SOS1: variants seen among roughly 807,000 people sequenced by gnomAD.
The protein encoded by SOS1 is SOS Ras/Rac guanine nucleotide exchange factor 1.
In SOS1, 25 loss-of-function variants were observed where a neutral mutation model predicts 157.6. That is an observed-to-expected ratio of 0.16 (90% CI 0.12 to 0.22). The LOEUF is 0.22. SOS1 is among the 10% of genes least tolerant of loss of function. The pLI is 1.00. For missense variants in SOS1, 1,237 were observed against 1,599.1 expected (o/e 0.77, Z 3.86); for synonymous variants, 528 against 534.0 (o/e 0.99, Z 0.16).
rs147322538 is a variant in SOS1 at position 39,080,080 on chromosome 2, T to C, written c.88-12327A>G. 3.4e-3 allele frequency among the ~76,000 whole-genome samples: 519 copies of C among 152,220 alleles called. 1 individual carries two copies. The highest frequency in any genetic ancestry group is 5.9e-3 in the Non-Finnish European group (401 of 68,026). On this transcript the variant is annotated intron_variant, in intron 1 of 22. Transcript: ENST00000402219. ...TTACATTTATTGTTTACTTTATTTC[T>C]ATTATTACATTGTAATATATAATAA...
intron 17 of SOS1, among the ~76,000 whole-genome samples, chr2:39,002,512 A>G (rs1329529707): frequency 1.3e-5 from 2 of 152,174 alleles, no homozygotes; most frequent in East Asian, 3.9e-4. Context: ...ACCATGGGAT[A>G]TCATGAGTAG....
intron 1 of SOS1, among the ~76,000 whole-genome samples, chr2:39,090,139 CAAA>C (rs10598316): frequency 5.4e-4 from 60 of 110,926 alleles, no homozygotes; most frequent in African/African-American, 9.1e-4. Flanking sequence ...GACCCTGTCT[CAAA>C]AAAAAAAAAA....
chr2:39,099,871 C>A (rs1476431414), intron 1 of SOS1, among the ~76,000 whole-genome samples: 2 of 151,896 alleles, frequency 1.3e-5, no homozygotes. Flanking sequence ...CTGGAGTAGC[C>A]GGGATTACGG....
chr2:39,008,728 A>G (rs1669362775), intron 15 of SOS1, among the ~76,000 whole-genome samples: 1 of 152,168 alleles, frequency 6.6e-6, no homozygotes, highest in Admixed American at 6.5e-5. Flanking sequence ...AAAACATCAG[A>G]GCAATCAGCT....
At chr2:38,994,107 G>A (rs1668817535) in intron 20 of SOS1, among the ~76,000 whole-genome samples, 2 of 152,260 alleles carry the variant, frequency 1.3e-5, no homozygotes, top group Admixed American at 6.5e-5. Context: ...TGCTGTAAGT[G>A]TAAAATGCAC....
chr2:39,113,718 G>C (rs1336886646), intron 1 of SOS1, among the ~76,000 whole-genome samples: 5 of 152,066 alleles, frequency 3.3e-5, no homozygotes, highest in African/African-American at 1.2e-4. Context: ...AACAGTTCAA[G>C]GCAAATCCCA....
intron 17 of SOS1, among the ~76,000 whole-genome samples, chr2:39,000,034 T>C (rs777572674): frequency 1.3e-5 from 2 of 152,044 alleles, no homozygotes; most frequent in Non-Finnish European, 2.9e-5. Context: ...GTGGGGATAA[T>C]GGGGAGTGGA....
intron 20 of SOS1, 133 bp from the exon 21 acceptor site, chr2:38,989,447 A>C: frequency 1.5e-6 from 1 of 654,794 alleles, no homozygotes; most frequent in South Asian, 1.8e-5. Context: ...GTTTATAGTA[A>C]AACCTCATTA....
chr2:39,111,250 A>G (rs928692781), intron 1 of SOS1, among the ~76,000 whole-genome samples: 1 of 152,168 alleles, frequency 6.6e-6, no homozygotes, highest in Admixed American at 6.5e-5. Flanking sequence ...AATAATAATA[A>G]TAAGATGGAT....
intron 1 of SOS1, among the ~76,000 whole-genome samples, chr2:39,076,837 G>C (rs1480207089): frequency 6.6e-6 from 1 of 152,088 alleles, no homozygotes; most frequent in Admixed American, 6.5e-5. Context: ...GTTATTATTT[G>C]CAGGTAATAT....
In SOS1 at chr2:38,983,298, GAGA is replaced by G. The variant is rs1333741791; in HGVS notation, c.*2523_*2525del. 14 of 152,054 alleles carry G rather than the reference GAGA, an allele frequency of 9.2e-5. No individual in the cohort carries two copies. The highest frequency in any genetic ancestry group is 1.6e-4 in the Non-Finnish European group (11 of 68,012). The allele number at this position is 152,054 out of a possible 1,614,324, so 9.4% of individuals were successfully genotyped here. A position where few individuals can be genotyped will look rare whatever the true frequency, so the allele number is the denominator to read the frequency against. On this transcript the variant is annotated 3_prime_UTR_variant, in exon 23 of 23. Transcript: ENST00000402219. Reference sequence around the variant, plus strand: ...TGTCAACTAGTTAATGTTTCATATTGAGAAGAAGGCAAGGATGCCATTTTCTCA... The same window carrying G: ...TGTCAACTAGTTAATGTTTCATATTGAGAAGGCAAGGATGCCATTTTCTCA...
At chr2:39,037,380 T>C (rs568012994) in intron 6 of SOS1, among the ~76,000 whole-genome samples, 1 of 152,330 alleles carries the variant, frequency 6.6e-6, no homozygotes, top group South Asian at 2.1e-4. Context: ...TTGCCTTTTA[T>C]ACTCAAAAAT....
chr2:39,053,836 G>A (rs966666452), intron 5 of SOS1, among the ~76,000 whole-genome samples: 1 of 151,900 alleles, frequency 6.6e-6, no homozygotes, highest in Non-Finnish European at 1.5e-5. Context: ...TACTACTGCT[G>A]TCATACTTCT....
intron 16 of SOS1, 38 bp from the exon 17 acceptor site, chr2:39,006,567 A>T: frequency 9.8e-7 from 1 of 1,018,672 alleles, no homozygotes; most frequent in East Asian, 2.4e-5. Flanking sequence ...TTACAAAAGG[A>T]ATCAAAGGTC....
At chr2:39,119,041 C>T (rs1400484374) in intron 1 of SOS1, among the ~76,000 whole-genome samples, 2 of 152,192 alleles carry the variant, frequency 1.3e-5, no homozygotes, top group Non-Finnish European at 2.9e-5. Flanking sequence ...TCTCCCCTTA[C>T]TCTATCCGGA....
At chr2:39,105,726 G>A (rs1037154990) in intron 1 of SOS1, among the ~76,000 whole-genome samples, 3 of 151,540 alleles carry the variant, frequency 2.0e-5, no homozygotes, top group African/African-American at 7.3e-5. Flanking sequence ...GCGAAACCCT[G>A]TCTCTACTAA....
upstream of SOS1, among the ~76,000 whole-genome samples, chr2:39,121,513 TAATA>T (rs1210110723): frequency 2.0e-5 from 3 of 152,236 alleles, no homozygotes; most frequent in African/African-American, 7.2e-5. Context: ...TTCCACAAAA[TAATA>T]AAATGTGTAC....
intron 1 of SOS1, among the ~76,000 whole-genome samples, chr2:39,112,220 T>TG (rs1457750956): frequency 1.3e-5 from 2 of 152,116 alleles, no homozygotes; most frequent in Non-Finnish European, 2.9e-5. Context: ...AACTGTCTTC[T>TG]CTCCCGGCTT....
intron 6 of SOS1, among the ~76,000 whole-genome samples, chr2:39,046,606 G>A (rs549620132): frequency 2.0e-5 from 3 of 148,938 alleles, no homozygotes; most frequent in South Asian, 2.2e-4. Flanking sequence ...CCGGGTTCAC[G>A]CCATTCTCCT....
Sources: gnomAD v4.1 joint callset for allele counts (sites outside exome capture counted in the v4.1 genomes callset) on GRCh38, gnomAD v4.1.1 for gene constraint, MANE v1.5 for transcripts, NCBI Gene and HGNC (gene_info 2026-07-23, HGNC 2026-07-21) for gene names.